The following NT5DC3 variants were observed in gnomAD, a reference collection of about 807,000 sequenced individuals.
The protein encoded by NT5DC3 is 5'-nucleotidase domain containing 3.
In NT5DC3, 42 loss-of-function variants were observed where a neutral mutation model predicts 67.8. The observed-to-expected ratio is 0.62, with a 90% confidence interval of 0.48 to 0.80. The LOEUF (loss-of-function observed/expected upper bound fraction) is 0.80. Ranked by LOEUF, NT5DC3 falls within the 30% of genes least tolerant of loss-of-function variation. NT5DC3 has a pLI of 0.00. For synonymous variants in NT5DC3, 237 were observed against 255.6 expected (o/e 0.93, Z 0.69); for missense variants, 570 against 696.4 (o/e 0.82, Z 2.04).
intron 2 of NT5DC3, among the ~76,000 whole-genome samples, chr12:103,811,208 A>G (rs1055181770): frequency 6.6e-6 from 1 of 150,796 alleles, no homozygotes; most frequent in Admixed American, 6.6e-5. Context: ...ACACAAATAC[A>G]CACACAGAAT....
the NT5DC3 span, among the ~76,000 whole-genome samples, chr12:103,758,976 C>T: frequency 6.6e-6 from 1 of 152,148 alleles, no homozygotes; most frequent in South Asian, 2.1e-4. Flanking sequence ...GCCCAGACAA[C>T]CAGAAGCCTA....
In NT5DC3 at chr12:103,777,405, G is replaced by A. The variant is rs1307568201; in HGVS notation, c.*424C>T. 1 of 169,422 alleles carries A rather than the reference G, an allele frequency of 5.9e-6. No individual in the cohort carries two copies. The highest frequency in any genetic ancestry group is 1.3e-5 in the Non-Finnish European group (1 of 78,170). 10.5% of individuals were successfully genotyped at this position (169,422 alleles called of 1,614,324 possible). A position where few individuals can be genotyped will look rare whatever the true frequency, so the allele number is the denominator to read the frequency against. On this transcript the variant is annotated 3_prime_UTR_variant, in exon 14 of 14. Transcript: ENST00000392876. The stretch of plus-strand genomic sequence containing the variant: ...CCACGAAATCAGCCTTCTGGAAGCA[G>A]CTAATCTTTGCCCATCACTGTGCCC...
chr12:103,750,776 G>A, the NT5DC3 span: 10 of 1,553,660 alleles, frequency 6.4e-6, no homozygotes, highest in Non-Finnish European at 7.8e-6. Flanking sequence ...GCCTGGGGAA[G>A]GGACCCTCAA....
intron 2 of NT5DC3, among the ~76,000 whole-genome samples, chr12:103,807,291 C>G (rs569349014): frequency 2.0e-5 from 3 of 152,340 alleles, no homozygotes; most frequent in African/African-American, 7.2e-5. Context: ...CCACCCATCA[C>G]TCCCTCCTTT....
the NT5DC3 span, among the ~76,000 whole-genome samples, chr12:103,748,576 ACT>A: frequency 1.4e-5 from 2 of 145,642 alleles, no homozygotes; most frequent in Admixed American, 1.4e-4. Context: ...TATTGTACTA[ACT>A]CTACACCACA....
rs1397181289 is a variant in NT5DC3, at chr12:103,798,617, G to A, written c.585C>T (p.Pro195=). Residue 195 remains proline (P), a synonymous_variant, in exon 5 of 14, where the codon CCC becomes CCT. Coordinates refer to ENST00000392876, the MANE Select transcript of NT5DC3 (RefSeq NM_001031701.3). ...CGTAAAAGTCACTCATCTGCTCCAAGGGCACGTGGGACCCCTCGTACATTT... is the reference window on the plus strand; with the variant it reads ...CGTAAAAGTCACTCATCTGCTCCAAAGGCACGTGGGACCCCTCGTACATTT... ...VIEMYEGSHV[P]LEQMSDFYGK... The A allele has an allele frequency of 1.9e-6, 3 of 1,613,720 alleles. No individual in the cohort carries two copies. The highest frequency in any genetic ancestry group is 2.7e-5 in the African/African-American group (2 of 74,906).
intron 12 of NT5DC3, among the ~76,000 whole-genome samples, chr12:103,783,539 C>A (rs1332303880): frequency 6.6e-6 from 1 of 152,154 alleles, no homozygotes; most frequent in African/African-American, 2.4e-5. Context: ...GACATTTCTA[C>A]ATAGCCTGAT....
intron 2 of NT5DC3, among the ~76,000 whole-genome samples, chr12:103,814,302 C>T (rs1887155805): frequency 6.6e-6 from 1 of 152,188 alleles, no homozygotes; most frequent in Non-Finnish European, 1.5e-5. Flanking sequence ...AAAATCAGAA[C>T]CACCTCCTAT....
At chr12:103,766,884 T>C (rs1191056848), downstream of NT5DC3, 2 of 154,672 alleles carry the variant, frequency 1.3e-5, no homozygotes, top group African/African-American at 4.8e-5. Context: ...ATAATCATAA[T>C]GAGATGTCAC....
intron 9 of NT5DC3, among the ~76,000 whole-genome samples, chr12:103,789,341 T>C (rs1885938151): frequency 6.6e-6 from 1 of 152,186 alleles, no homozygotes; most frequent in African/African-American, 2.4e-5. Context: ...GGAGAATCGC[T>C]TGAACCCAGG....
Position 103,841,219 on chromosome 12 carries a change from G to C in NT5DC3, c.-63C>G. ...CTGCGACTGCTGCTGCCCGGCCCAAGATCTACCCGCGCTCTGCCCTGCAGG... is the reference window on the plus strand; with the variant it reads ...CTGCGACTGCTGCTGCCCGGCCCAACATCTACCCGCGCTCTGCCCTGCAGG... On this transcript the variant is annotated 5_prime_UTR_variant, in exon 1 of 14. It adds an upstream start codon to the 5' untranslated region. Coordinates refer to ENST00000392876, the MANE Select transcript of NT5DC3 (RefSeq NM_001031701.3). 1 of 523,700 alleles carries C rather than the reference G, an allele frequency of 1.9e-6. No individual in the cohort carries two copies. The highest frequency in any genetic ancestry group is 3.3e-6 in the Non-Finnish European group (1 of 299,768). 32.4% of individuals were successfully genotyped at this position (523,700 alleles called of 1,614,324 possible).
the NT5DC3 span, among the ~76,000 whole-genome samples, chr12:103,762,980 C>T: frequency 6.6e-6 from 1 of 152,224 alleles, no homozygotes; most frequent in Admixed American, 6.5e-5. Context: ...CTCTCTGGCC[C>T]ACCCTCTCCT....
the NT5DC3 span, among the ~76,000 whole-genome samples, chr12:103,751,457 C>T: frequency 2.2e-4 from 34 of 152,262 alleles, no homozygotes; most frequent in South Asian, 6.8e-3. Flanking sequence ...ATAAAGTTTC[C>T]ATCCTGAGAC....
chr12:103,839,337 T>C (rs1351751173), intron 1 of NT5DC3, among the ~76,000 whole-genome samples: 1 of 152,088 alleles, frequency 6.6e-6, no homozygotes, highest in African/African-American at 2.4e-5. Context: ...GTCTCAACCT[T>C]CCAGGCTCAA....
chr12:103,762,937 G>A, the NT5DC3 span, among the ~76,000 whole-genome samples: 40,166 of 152,032 alleles, frequency 0.26, 5,642 homozygotes, highest in South Asian at 0.47. Flanking sequence ...GCAGCACAGC[G>A]GTTGAGCATC....
rs1441626938 is a variant in NT5DC3, at chr12:103,774,341, T to G, written c.*3488A>C. 6.6e-6 allele frequency: 1 copy of G among 152,258 alleles called. No individual in the cohort carries two copies. The highest frequency in any genetic ancestry group is 1.5e-5 in the Non-Finnish European group (1 of 68,052). The allele number at this position is 152,258 out of a possible 1,614,324, so 9.4% of individuals were successfully genotyped here. A position where few individuals can be genotyped will look rare whatever the true frequency, so the allele number is the denominator to read the frequency against. ...TTGTACCAATATGCATTCATCAATG[T>G]GCACATCAGAGAACAAAACACCCAG... is the stretch of plus-strand genomic sequence containing the variant. On this transcript the variant is annotated 3_prime_UTR_variant, in exon 14 of 14. Transcript: ENST00000392876.
the NT5DC3 span, chr12:103,759,305 G>A: frequency 8.6e-5 from 138 of 1,606,872 alleles, no homozygotes; most frequent in African/African-American, 1.1e-3. Flanking sequence ...TTGGGGGAAC[G>A]GGAGATAATG....
At chr12:103,830,932 T>C (rs965386190) in intron 1 of NT5DC3, among the ~76,000 whole-genome samples, 2 of 152,220 alleles carry the variant, frequency 1.3e-5, no homozygotes, top group African/African-American at 4.8e-5. Flanking sequence ...TTTGTGTATT[T>C]TTAAATTTTG....
At chr12:103,760,978 G>A in the NT5DC3 span, among the ~76,000 whole-genome samples, 2 of 137,178 alleles carry the variant, frequency 1.5e-5, no homozygotes. Context: ...GTGCATGGAC[G>A]CAGCGTCCAC....
Sources: gnomAD v4.1 joint callset for allele counts (sites outside exome capture counted in the v4.1 genomes callset) on GRCh38, gnomAD v4.1.1 for gene constraint, MANE v1.5 for transcripts, NCBI Gene and HGNC (gene_info 2026-07-23, HGNC 2026-07-21) for gene names.